The following PRDM6 variants were observed in gnomAD, a reference collection of about 807,000 sequenced individuals.
The protein encoded by PRDM6 is PR/SET domain 6, also known as putative histone-lysine N-methyltransferase PRDM6.
A neutral mutation model predicts 60.8 loss-of-function variants in PRDM6; 25 were observed. The ratio of observed to expected loss-of-function variants is 0.41; its 90% CI spans 0.30 to 0.57. The LOEUF (loss-of-function observed/expected upper bound fraction) is 0.57. Ranked by LOEUF, PRDM6 falls within the 20% of genes least tolerant of loss-of-function variation. The probability of loss-of-function intolerance (pLI) is 0.27; values close to 1 mark genes in which losing one functional copy is unlikely to be tolerated. For missense variants in PRDM6, 839 were observed against 821.3 expected, an observed-to-expected ratio of 1.02 and a Z score of -0.26; for synonymous variants, 407 against 357.4, an observed-to-expected ratio of 1.14 and a Z score of -1.57.
At chr5:123,165,448 A>G (rs182350848) in intron 5 of PRDM6, among the ~76,000 whole-genome samples, 1 of 152,270 alleles carries the variant, frequency 6.6e-6, no homozygotes, top group African/African-American at 2.4e-5. Context: ...TAGTGTCACC[A>G]TCCACTCTGG....
chr5:123,172,390 CTA>C (rs1258051633), intron 6 of PRDM6, among the ~76,000 whole-genome samples: 1 of 152,162 alleles, frequency 6.6e-6, no homozygotes, highest in Non-Finnish European at 1.5e-5. Flanking sequence ...GTTAAGGCAG[CTA>C]TGTCTTCACA....
intron 3 of PRDM6, among the ~76,000 whole-genome samples, chr5:123,101,729 T>A (rs1344373352): frequency 6.6e-6 from 1 of 152,002 alleles, no homozygotes; most frequent in East Asian, 1.9e-4. Context: ...TCATTGTGGG[T>A]TTTTTCCCCC....
chr5:123,094,256 C>T (rs1763909251), intron 2 of PRDM6, among the ~76,000 whole-genome samples: 1 of 152,192 alleles, frequency 6.6e-6, no homozygotes. Flanking sequence ...AACGCAGGTC[C>T]TGTTTGGGCA....
rs1207303978 is a variant in PRDM6 at position 123,191,187 on chromosome 5, C to G, written c.*3986C>G. On this transcript the variant is annotated 3_prime_UTR_variant, in exon 8 of 8. Coordinates refer to ENST00000407847, the MANE Select transcript of PRDM6 (RefSeq NM_001136239.4). The stretch of plus-strand genomic sequence containing the variant: ...GCGACCCTGAATGGGTCAGAGTTGC[C>G]TCATTAGTGGTAAGCGTTGGCAGTG... 6.6e-6 allele frequency: 1 copy of G among 152,136 alleles called. No individual in the cohort carries two copies. Among genetic ancestry groups the G allele is most frequent in the Non-Finnish European group, 1.5e-5 (1 of 68,026 alleles). 9.4% of individuals were successfully genotyped at this position (152,136 alleles called of 1,614,324 possible).
Position 123,099,550 on chromosome 5 carries a change from G to C in PRDM6, c.593-104G>C, listed in dbSNP as rs2150207705. The C allele has an allele frequency of 9.1e-7, 1 of 1,098,722 alleles. No individual in the cohort carries two copies. Among genetic ancestry groups the C allele is most frequent in the East Asian group, 2.9e-5 (1 of 34,972 alleles). The allele number at this position is 1,098,722 out of a possible 1,614,324, so 68.1% of individuals were successfully genotyped here. A position where few individuals can be genotyped will look rare whatever the true frequency, so the allele number is the denominator to read the frequency against. On this transcript the variant is annotated intron_variant, in intron 2 of 7. Coordinates refer to ENST00000407847, the MANE Select transcript of PRDM6 (RefSeq NM_001136239.4). This position sits in a 1 kb window ranked among gnomAD's most constrained non-coding sequence, Gnocchi z 4.0. Reference sequence around the variant, plus strand: ...ACCTTCCTCGAAGGTGGCTTACCCAGGCGGGCGGTGATGCTGTTGTCTCGG... The same window carrying C: ...ACCTTCCTCGAAGGTGGCTTACCCACGCGGGCGGTGATGCTGTTGTCTCGG...
chr5:123,111,628 G>T (rs966386059), intron 3 of PRDM6, among the ~76,000 whole-genome samples: 1 of 152,088 alleles, frequency 6.6e-6, no homozygotes, highest in Non-Finnish European at 1.5e-5. Context: ...AACCCGGGGG[G>T]CGGAGCTTGC....
At chr5:123,101,301 G>T (rs1286880258) in intron 3 of PRDM6, among the ~76,000 whole-genome samples, 2 of 152,130 alleles carry the variant, frequency 1.3e-5, no homozygotes, top group African/African-American at 4.8e-5. Context: ...CTCTTTTGAT[G>T]GAGGAGGAGC....
intron 5 of PRDM6, among the ~76,000 whole-genome samples, chr5:123,168,839 C>T (rs1045740892): frequency 4.6e-5 from 7 of 152,264 alleles, no homozygotes; most frequent in African/African-American, 1.7e-4. Context: ...GCAGAATGTT[C>T]TCAGTTGAAG....
At chr5:123,132,667 A>T (rs1764858790) in intron 3 of PRDM6, among the ~76,000 whole-genome samples, 1 of 152,196 alleles carries the variant, frequency 6.6e-6, no homozygotes, top group Non-Finnish European at 1.5e-5. Context: ...ATTTCCAAGT[A>T]TGATTTCTAA....
In PRDM6 at chr5:123,151,533, T is replaced by C. The variant is rs528455223; in HGVS notation, c.901-4351T>C. On this transcript the variant is annotated intron_variant, in intron 3 of 7. Transcript: ENST00000407847. Reference sequence around the variant, plus strand: ...CTGGTGATGAGTTCTGGTTCTGTCATGGACTAGTCGTCTCACTTTGCTTAG... The same window carrying C: ...CTGGTGATGAGTTCTGGTTCTGTCACGGACTAGTCGTCTCACTTTGCTTAG... Among the ~76,000 whole-genome samples the C allele has an allele frequency of 2.6e-5, 4 of 152,284 alleles. No individual in the cohort carries two copies. The South Asian group carries it at 6.2e-4, about 24-fold the overall frequency.
At chr5:123,167,356 A>G (rs1250468049) in intron 5 of PRDM6, among the ~76,000 whole-genome samples, 1 of 150,558 alleles carries the variant, frequency 6.6e-6, no homozygotes, top group Non-Finnish European at 1.5e-5. Context: ...AGGTTATGTG[A>G]CCTTAACAAT....
At position 123,090,474 on chromosome 5, in the gene PRDM6, G is replaced by GGCGGCGGCGGCGGGGAGGGTC. The variant is rs1307266376; in HGVS notation, c.467_487dup (p.Gly156_Gly162dup). The GGCGGCGGCGGCGGGGAGGGTC allele has an allele frequency of 3.4e-6, 5 of 1,476,150 alleles. No individual in the cohort carries two copies. In the Admixed American group the frequency reaches 1.2e-4, roughly 34 times the overall value. 91.4% of individuals were successfully genotyped at this position (1,476,150 alleles called of 1,614,324 possible). ...CGGGCCCGTCAAGTGCGGTGGTGGT[G>GGCGGCGGCGGCGGGGAGGGTC]GCGGCGGCGGCGGGGAGGGTCGCGG... On this transcript the variant is annotated inframe_insertion, in exon 2 of 8. Transcript: ENST00000407847.
chr5:123,175,499 C>G (rs543943056), intron 6 of PRDM6, among the ~76,000 whole-genome samples: 3 of 152,176 alleles, frequency 2.0e-5, no homozygotes, highest in Non-Finnish European at 4.4e-5. Flanking sequence ...TTCCCCATCC[C>G]CCAAGTGTGA....
intron 3 of PRDM6, among the ~76,000 whole-genome samples, chr5:123,140,174 G>A (rs926236897): frequency 4.0e-5 from 6 of 151,776 alleles, no homozygotes; most frequent in African/African-American, 7.3e-5. Context: ...CTAAGATGTA[G>A]TAACATCTTT....
intron 3 of PRDM6, among the ~76,000 whole-genome samples, chr5:123,123,144 T>A (rs1764617123): frequency 6.6e-6 from 1 of 152,246 alleles, no homozygotes. Context: ...ACTCCCCTGA[T>A]AGGGTGAGAG....
intron 7 of PRDM6, among the ~76,000 whole-genome samples, chr5:123,180,838 T>C (rs938866229): frequency 1.3e-5 from 2 of 152,218 alleles, no homozygotes; most frequent in Non-Finnish European, 2.9e-5. Flanking sequence ...AGCAGCCAAC[T>C]TGTGACTTTT....
chr5:123,109,394 C>G (rs1039674206), intron 3 of PRDM6, among the ~76,000 whole-genome samples: 22 of 152,062 alleles, frequency 1.4e-4, no homozygotes, highest in African/African-American at 5.3e-4. Flanking sequence ...GAGATTTTCC[C>G]CCGTTTTCAG....
chr5:123,162,694 G>A (rs1214492757), intron 5 of PRDM6, among the ~76,000 whole-genome samples: 2 of 152,210 alleles, frequency 1.3e-5, no homozygotes, highest in Non-Finnish European at 2.9e-5. Context: ...TTTCCCCCAA[G>A]GGTATTATAG....
chr5:123,097,641 CAAT>C (rs974922778), intron 2 of PRDM6, among the ~76,000 whole-genome samples: 26 of 136,288 alleles, frequency 1.9e-4, no homozygotes, highest in East Asian at 3.9e-4. Flanking sequence ...TTTTCACAAT[CAAT>C]AAGCTTGAGA....
Sources: gnomAD v4.1 joint callset for allele counts (sites outside exome capture counted in the v4.1 genomes callset) on GRCh38, gnomAD v4.1.1 for gene constraint, Gnocchi (gnomAD v3.1) non-coding constraint, MANE v1.5 for transcripts, NCBI Gene and HGNC (gene_info 2026-07-23, HGNC 2026-07-21) for gene names.